KDM2A: variants seen among roughly 807,000 people sequenced by gnomAD.
The protein encoded by KDM2A is lysine demethylase 2A.
KDM2A carries 3 observed loss-of-function variants against 137.3 expected under a neutral mutation model. The ratio of observed to expected loss-of-function variants is 0.02; its 90% CI spans 0.01 to 0.06. KDM2A has a LOEUF of 0.06. KDM2A is among the 10% of genes least tolerant of loss of function. The pLI is 1.00. For missense variants in KDM2A, 738 were observed against 1,510.6 expected, an observed-to-expected ratio of 0.49 and a Z score of 8.48; for synonymous variants, 512 against 541.5, an observed-to-expected ratio of 0.95 and a Z score of 0.76.
rs57740370 is a variant in KDM2A at position 67,235,604 on chromosome 11, TTTTTG to T, written c.1479+3674_1479+3678del. Among the ~76,000 whole-genome samples, 1,029 of 138,794 alleles carry T rather than the reference TTTTTG, an allele frequency of 7.4e-3. 12 individuals are homozygous for T. The highest frequency in any genetic ancestry group is 0.025 in the African/African-American group (918 of 37,056). The allele number at this position is 138,794 out of a possible 152,430, so 91.1% of individuals were successfully genotyped here. On this transcript the variant is annotated intron_variant, in intron 12 of 20. Transcript: ENST00000529006. ...AGGCGTGACACCGCGCCCGGCTGCT[TTTTTG>T]TTTTGTTTTGTTTTGTTTTGTTTTG...
chr11:67,157,637 C>T (rs544793101), intron 2 of KDM2A, among the ~76,000 whole-genome samples: 3 of 149,924 alleles, frequency 2.0e-5, no homozygotes, highest in East Asian at 2.0e-4. Context: ...CCCAGCTACT[C>T]GGGAGGCTGA....
intron 11 of KDM2A, among the ~76,000 whole-genome samples, chr11:67,230,025 A>C (rs58100805): frequency 0.032 from 4,826 of 151,952 alleles, 123 homozygotes; most frequent in African/African-American, 0.07. Flanking sequence ...AAATACAAAA[A>C]ATTAGCTAGA....
intron 10 of KDM2A, 155 bp downstream of exon 10, chr11:67,219,558 A>ATT: frequency 1.2e-5 from 5 of 420,080 alleles, no homozygotes; most frequent in Non-Finnish European, 1.3e-5. Context: ...TTTTAAATTT[A>ATT]ATTTTTTTTT....
At chr11:67,199,970 C>T (rs1173811266) in intron 5 of KDM2A, among the ~76,000 whole-genome samples, 1 of 152,154 alleles carries the variant, frequency 6.6e-6, no homozygotes, top group Non-Finnish European at 1.5e-5. Context: ...CCAAAAAAAG[C>T]TTATTTACCA....
intron 18 of KDM2A, 84 bp downstream of exon 18, chr11:67,252,941 G>A (rs1859480306): frequency 2.1e-6 from 3 of 1,432,838 alleles, no homozygotes; most frequent in Non-Finnish European, 1.9e-6. Flanking sequence ...GTGCTTCTTA[G>A]CATCACTGGA....
At chr11:67,167,344 T>C (rs1225091320) in intron 2 of KDM2A, among the ~76,000 whole-genome samples, 2 of 152,204 alleles carry the variant, frequency 1.3e-5, no homozygotes, top group Non-Finnish European at 2.9e-5. Context: ...CAGTTGATTA[T>C]ACCTGATGGT....
chr11:67,199,756 A>AT (rs1347370378), intron 5 of KDM2A, among the ~76,000 whole-genome samples: 1 of 152,252 alleles, frequency 6.6e-6, no homozygotes, highest in Non-Finnish European at 1.5e-5. Context: ...CAGGTTATCC[A>AT]GGAGAACCAG....
chr11:67,202,866 G>A (rs898473704), intron 5 of KDM2A, among the ~76,000 whole-genome samples: 3 of 151,792 alleles, frequency 2.0e-5, no homozygotes, highest in Non-Finnish European at 2.9e-5. Context: ...ATTGTGGCAC[G>A]TGCCTGTAGT....
chr11:67,229,644 G>A (rs976957458), intron 11 of KDM2A, among the ~76,000 whole-genome samples: 6 of 151,900 alleles, frequency 3.9e-5, no homozygotes, highest in Non-Finnish European at 1.5e-5. Context: ...GCTGAGGCGG[G>A]CGGATCATGA....
chr11:67,236,622 A>T (rs1647926736), intron 12 of KDM2A, among the ~76,000 whole-genome samples: 1 of 152,168 alleles, frequency 6.6e-6, no homozygotes, highest in South Asian at 2.1e-4. Flanking sequence ...AAACATTTTG[A>T]TAAGCCTGCC....
At chr11:67,206,665 G>A (rs1385916334) in intron 5 of KDM2A, among the ~76,000 whole-genome samples, 1 of 152,066 alleles carries the variant, frequency 6.6e-6, no homozygotes, top group Non-Finnish European at 1.5e-5. Flanking sequence ...GAACCCAGGA[G>A]GTGGGAGGTT....
At chr11:67,229,296 C>T (rs2136421964) in intron 11 of KDM2A, among the ~76,000 whole-genome samples, 1 of 152,312 alleles carries the variant, frequency 6.6e-6, no homozygotes, top group Non-Finnish European at 1.5e-5. Context: ...GGTTCAGCTT[C>T]ACAGCTTAAA....
intron 5 of KDM2A, among the ~76,000 whole-genome samples, chr11:67,191,850 AAAGG>A (rs1316801463): frequency 6.6e-6 from 1 of 152,208 alleles, no homozygotes; most frequent in Non-Finnish European, 1.5e-5. Flanking sequence ...TTAGGCAAAA[AAAGG>A]AAAGAAAAGG....
At chr11:67,164,209 C>T (rs1856693122) in intron 2 of KDM2A, among the ~76,000 whole-genome samples, 1 of 152,140 alleles carries the variant, frequency 6.6e-6, no homozygotes, top group African/African-American at 2.4e-5. Context: ...AGTGCCTAGA[C>T]CCAGACCTAC....
At chr11:67,240,491 C>CT in intron 12 of KDM2A, 2 of 773,900 alleles carry the variant, frequency 2.6e-6, no homozygotes, top group Non-Finnish European at 4.0e-6. Flanking sequence ...TGCTATGTTA[C>CT]TTCGTGTTGC....
At chr11:67,128,720 AC>A (rs1233133596) in intron 2 of KDM2A, among the ~76,000 whole-genome samples, 2 of 152,172 alleles carry the variant, frequency 1.3e-5, no homozygotes, top group Non-Finnish European at 2.9e-5. Context: ...ATTAATCACT[AC>A]TGTACTTTGT....
intron 2 of KDM2A, among the ~76,000 whole-genome samples, chr11:67,179,741 G>T (rs970148524): frequency 8.5e-5 from 13 of 152,304 alleles, no homozygotes; most frequent in Non-Finnish European, 1.3e-4. Flanking sequence ...AAATTTCTAT[G>T]AAGACAGTTT....
chr11:67,219,472 T>G (rs1265700515), intron 10 of KDM2A, 69 bp downstream of exon 10: 3 of 701,536 alleles, frequency 4.3e-6, no homozygotes, highest in Middle Eastern at 2.9e-4. Flanking sequence ...TTACAAGAGA[T>G]TCACTGATGG....
chr11:67,159,285 A>G (rs949642625), intron 2 of KDM2A, among the ~76,000 whole-genome samples: 3 of 152,242 alleles, frequency 2.0e-5, no homozygotes, highest in African/African-American at 7.2e-5. Context: ...CTACCTTTCT[A>G]CATCCGAGTT....
Sources: gnomAD v4.1 joint callset for allele counts (sites outside exome capture counted in the v4.1 genomes callset) on GRCh38, gnomAD v4.1.1 for gene constraint, MANE v1.5 for transcripts, NCBI Gene and HGNC (gene_info 2026-07-23, HGNC 2026-07-21) for gene names.